Variants in SCN10A observed in about 807,000 individuals in gnomAD.
The protein encoded by SCN10A is sodium voltage-gated channel alpha subunit 10, also known as sodium channel protein type 10 subunit alpha.
A neutral mutation model predicts 170.7 loss-of-function variants in SCN10A; 162 were observed. The observed-to-expected ratio is 0.95, with a 90% CI of 0.84 to 1.08. SCN10A has a LOEUF of 1.08. SCN10A is among the 50% of genes least tolerant of loss of function. The pLI, the probability that SCN10A is intolerant of heterozygous loss-of-function variation, is 0.00. For missense variants in SCN10A, 2,527 were observed against 2,436.9 expected (o/e 1.04, Z -0.78); for synonymous variants, 985 against 904.6 (o/e 1.09, Z -1.59).
chr3:38,785,863 A>G (rs2064194429), intron 4 of SCN10A, among the ~76,000 whole-genome samples: 1 of 152,262 alleles, frequency 6.6e-6, no homozygotes, highest in South Asian at 2.1e-4. Context: ...TGCAGCCAAT[A>G]AACATATGAT....
At chr3:38,780,964 G>T (rs2064132001) in intron 4 of SCN10A, among the ~76,000 whole-genome samples, 1 of 152,072 alleles carries the variant, frequency 6.6e-6, no homozygotes, top group Non-Finnish European at 1.5e-5. Flanking sequence ...TCTTACAACT[G>T]CACAAGAAGC....
chr3:38,744,520 T>G (rs952349981), intron 13 of SCN10A, among the ~76,000 whole-genome samples: 2 of 152,050 alleles, frequency 1.3e-5, no homozygotes, highest in Admixed American at 1.3e-4. Context: ...AAATTATACT[T>G]TAAGTTTTAG....
chr3:38,711,246 CT>C (rs966081716), intron 23 of SCN10A, among the ~76,000 whole-genome samples: 2 of 152,194 alleles, frequency 1.3e-5, no homozygotes, highest in Non-Finnish European at 2.9e-5. Flanking sequence ...CTGCCATTTT[CT>C]CAGCCACTTT....
intron 13 of SCN10A, among the ~76,000 whole-genome samples, chr3:38,745,534 C>T (rs1220813395): frequency 6.6e-6 from 1 of 152,136 alleles, no homozygotes; most frequent in Non-Finnish European, 1.5e-5. Context: ...CTCCCTACTC[C>T]CTAGTGCCAT....
chr3:38,720,757 G>A (rs2063381606), intron 20 of SCN10A, among the ~76,000 whole-genome samples: 1 of 152,158 alleles, frequency 6.6e-6, no homozygotes, highest in South Asian at 2.1e-4. Context: ...GCAAGGGAGA[G>A]CAGAGAAGCA....
At chr3:38,705,454 G>T (rs1559411490) in intron 26 of SCN10A, among the ~76,000 whole-genome samples, 1 of 152,314 alleles carries the variant, frequency 6.6e-6, no homozygotes, top group East Asian at 1.9e-4. Flanking sequence ...AGCTTAATTA[G>T]GAGAAATGGT....
chr3:38,697,108 A>G lies in SCN10A; in HGVS notation c.*241T>C. 1.8e-6 allele frequency: 1 copy of G among 561,130 alleles called. No homozygotes were observed. Among genetic ancestry groups the G allele is most frequent in the East Asian group, 3.0e-5 (1 of 33,278 alleles). The allele number at this position is 561,130 out of a possible 1,614,324, so 34.8% of individuals were successfully genotyped here. ...TTTCTGGAGAGTAAGAGAACCCATG[A>G]TCTGATATTGAAATTCAGAAGGGAA... On this transcript the variant is annotated 3_prime_UTR_variant, in exon 28 of 28. Transcript: ENST00000449082.
chr3:38,754,720 A>C (rs1238030333), intron 11 of SCN10A, among the ~76,000 whole-genome samples: 1 of 152,216 alleles, frequency 6.6e-6, no homozygotes, highest in Non-Finnish European at 1.5e-5. Flanking sequence ...TCATGAGGTC[A>C]GTGTGCATGC....
At position 38,724,707 on chromosome 3, in the gene SCN10A, T is replaced by G. The variant is rs1039536104; in HGVS notation, c.3228+467A>C. 2.4e-4 allele frequency among the ~76,000 whole-genome samples: 36 copies of G among 152,238 alleles called. 1 individual carries two copies. The highest frequency in any genetic ancestry group is 3.2e-3 in the Middle Eastern group (1 of 314). On this transcript the variant is annotated intron_variant, in intron 18 of 27. Transcript: ENST00000449082. Reference sequence around the variant, plus strand: ...GCTGGCTCTGAAAGATATTTGACTTTCTTTGTGCGTTGTCTTTCGTTTCCT... The same window carrying G: ...GCTGGCTCTGAAAGATATTTGACTTGCTTTGTGCGTTGTCTTTCGTTTCCT...
intron 1 of SCN10A, among the ~76,000 whole-genome samples, chr3:38,802,988 A>G (rs1327601585): frequency 6.6e-6 from 1 of 152,238 alleles, no homozygotes; most frequent in African/African-American, 2.4e-5. Context: ...AAGTGGGCAA[A>G]GGATATGAAC....
chr3:38,756,986 C>T (rs1252773228), intron 9 of SCN10A, 32 bp downstream of exon 9: 3 of 1,602,830 alleles, frequency 1.9e-6, no homozygotes, highest in Non-Finnish European at 2.6e-6. Flanking sequence ...CAGCCTCCAA[C>T]CAAGTCTGCG....
At position 38,760,664 on chromosome 3, in the gene SCN10A, A is replaced by C. The variant is rs188914048; in HGVS notation, c.950+17T>G. On this transcript the variant is annotated intron_variant, in intron 8 of 27. Coordinates refer to ENST00000449082, the MANE Select transcript of SCN10A (RefSeq NM_006514.4). Reference sequence around the variant, plus strand: ...AATTGTTGGGCACTCGTGCTTTGTCATAAGTTGGGAACTCACCCTGAGTCA... The same window carrying C: ...AATTGTTGGGCACTCGTGCTTTGTCCTAAGTTGGGAACTCACCCTGAGTCA... The C allele has an allele frequency of 6.2e-7, 1 of 1,608,300 alleles. No individual in the cohort carries two copies. The highest frequency in any genetic ancestry group is 2.2e-5 in the East Asian group (1 of 44,846).
chr3:38,794,072 G>A, intron 1 of SCN10A, 30 bp from the exon 2 acceptor site: 1 of 1,502,124 alleles, frequency 6.7e-7, no homozygotes, highest in Non-Finnish European at 9.2e-7. Flanking sequence ...CCACAGAGAG[G>A]TGACAGCTTG....
At chr3:38,746,067 A>G (rs867563409) in intron 13 of SCN10A, among the ~76,000 whole-genome samples, 4,444 of 70,880 alleles carry the variant, frequency 0.063, 371 homozygotes, top group East Asian at 0.28. Flanking sequence ...GTATGTGTAT[A>G]TATATATATA....
intron 4 of SCN10A, among the ~76,000 whole-genome samples, chr3:38,781,888 T>C (rs2064143351): frequency 6.6e-6 from 1 of 152,140 alleles, no homozygotes; most frequent in South Asian, 2.1e-4. Context: ...TCATATTATT[T>C]GTTACAAATA....
Position 38,718,760 on chromosome 3 carries a change from C to A in SCN10A, c.3574G>T (p.Val1192Phe). The A allele has an allele frequency of 6.2e-7, 1 of 1,614,242 alleles. No individual in the cohort carries two copies. Among genetic ancestry groups the A allele is most frequent in the Non-Finnish European group, 8.5e-7 (1 of 1,180,032 alleles). Residue 1192 changes from valine to phenylalanine, a missense_variant, in exon 21 of 28, where the codon GTC becomes TTC. Physicochemically the swap from Val to Phe is conservative, Grantham distance 50 (BLOSUM62 -1). Coordinates refer to ENST00000449082, the MANE Select transcript of SCN10A (RefSeq NM_006514.4). Reference protein sequence around the residue: ...VKALLEYTDRVFTFIFVFEML... With the variant: ...VKALLEYTDRFFTFIFVFEML... ...TCGAACACAAAGATAAAGGTGAAGA[C>A]CCTGTCAGTGTACTCCAGCAAAGCT... is the stretch of plus-strand genomic sequence containing the variant.
In SCN10A at chr3:38,736,373, G is replaced by C. The variant is rs1486747632; in HGVS notation, c.2280+3142C>G. Among the ~76,000 whole-genome samples the C allele has an allele frequency of 3.7e-5, 5 of 134,436 alleles. No individual in the cohort carries two copies. In the East Asian group the frequency reaches 7.8e-4, roughly 21 times the overall value. The allele number at this position is 134,436 out of a possible 152,430, so 88.2% of individuals were successfully genotyped here. A position where few individuals can be genotyped will look rare whatever the true frequency, so the allele number is the denominator to read the frequency against. ...TAATAGGGAAACTCTGTGTGTGTGT[G>C]TGTGTGTGTGTGTGTGTGTGTGTGT... On this transcript the variant is annotated intron_variant, in intron 15 of 27. Coordinates refer to ENST00000449082, the MANE Select transcript of SCN10A (RefSeq NM_006514.4).
chr3:38,737,798 C>CTCTTTCTTTTTCTTTCTTTCTT (rs1553618374), intron 15 of SCN10A, among the ~76,000 whole-genome samples: 17 of 93,626 alleles, frequency 1.8e-4, no homozygotes, highest in Non-Finnish European at 3.1e-4. Context: ...CCCTCCCTTC[C>CTCTTTCTTTTTCTTTCTTTCTT]TCTTTCTTTC....
chr3:38,723,519 G>T lies in SCN10A; in HGVS notation c.3263C>A (p.Thr1088Lys). The change falls in exon 19 of 28, where the codon ACG becomes AAG. Residue 1088 changes from threonine to lysine, a missense_variant. Thr to Lys is a moderately conservative substitution (Grantham distance 78, BLOSUM62 -1). Transcript: ENST00000449082. ...VDDTSSSEGS[T>K]VDCLDPEEIL... is the part of the protein sequence containing the mutation. ...TTCCTCAGGATCTAGGCAGTCCACC[G>T]TGCTGCCCTCAGAGGAGCTTGTGTC... The T allele has an allele frequency of 1.9e-6, 3 of 1,610,300 alleles. No individual in the cohort carries two copies. Among genetic ancestry groups the T allele is most frequent in the Non-Finnish European group, 2.5e-6 (3 of 1,178,090 alleles).
Sources: allele counts gnomAD v4.1 joint callset (sites outside exome capture counted in the v4.1 genomes callset), GRCh38; gene constraint gnomAD v4.1.1; transcripts MANE v1.5; gene names NCBI Gene and HGNC (gene_info 2026-07-23, HGNC 2026-07-21).